GLYATL1: variants seen among roughly 807,000 people sequenced by gnomAD.
GLYATL1 encodes glycine-N-acyltransferase like 1, also known as glycine N-acyltransferase-like protein 1.
In GLYATL1, 15 loss-of-function variants were observed where a neutral mutation model predicts 20.0. That is an observed-to-expected ratio of 0.75 (90% CI 0.50 to 1.15). GLYATL1 has a LOEUF of 1.15. Among genes scored for constraint, GLYATL1 ranks in the 50% most tolerant of loss-of-function variants. The probability of loss-of-function intolerance (pLI) is 0.00; values close to 1 mark genes in which losing one functional copy is unlikely to be tolerated. For synonymous variants in GLYATL1, 151 were observed against 131.5 expected (o/e 1.15, Z -1.01); for missense variants, 380 against 368.5 (o/e 1.03, Z -0.26).
intron 1 of GLYATL1, among the ~76,000 whole-genome samples, chr11:58,930,053 C>T (rs566203151): frequency 6.6e-6 from 1 of 152,218 alleles, no homozygotes; most frequent in South Asian, 2.1e-4. Context: ...CAAATTAGTT[C>T]TCTGTTATTC....
At chr11:58,919,951 G>C (rs967985009) in intron 1 of GLYATL1, among the ~76,000 whole-genome samples, 1 of 152,072 alleles carries the variant, frequency 6.6e-6, no homozygotes, top group Non-Finnish European at 1.5e-5. Context: ...CCCATCAAAG[G>C]TTTTCCACCA....
upstream of GLYATL1, chr11:58,927,689 C>T (rs1855461627): frequency 6.6e-6 from 1 of 152,200 alleles, no homozygotes. Flanking sequence ...TTTTTTAACC[C>T]TTTAGGTATC....
chr11:58,924,874 A>T (rs997838310), upstream of GLYATL1, among the ~76,000 whole-genome samples: 2 of 152,236 alleles, frequency 1.3e-5, no homozygotes. Context: ...TTGTTTAAGT[A>T]AAAGGGCTGA....
chr11:58,906,201 G>A (rs1041121908), intron 1 of GLYATL1, among the ~76,000 whole-genome samples: 3 of 152,198 alleles, frequency 2.0e-5, no homozygotes, highest in African/African-American at 7.2e-5. Flanking sequence ...CCAAAACCAA[G>A]GAGGTTTTGG....
At chr11:58,909,393 A>G (rs913610536), downstream of GLYATL1, among the ~76,000 whole-genome samples, 7 of 152,172 alleles carry the variant, frequency 4.6e-5, no homozygotes, top group Non-Finnish European at 1.0e-4. Flanking sequence ...AAGTGTTCTT[A>G]TTACAAAAGT....
At chr11:58,943,270 C>T (rs1590794709) in intron 1 of GLYATL1, 10 of 1,539,666 alleles carry the variant, frequency 6.5e-6, no homozygotes, top group Non-Finnish European at 8.7e-6. Context: ...ATCCCAGCAG[C>T]CATACTTCAA....
rs115879295 is a variant in GLYATL1 at position 58,917,751 on chromosome 11, A to G, written n.264+12090A>G. On this transcript the variant is annotated intron_variant and non_coding_transcript_variant, in intron 1 of 2. Coordinates refer to the GLYATL1 transcript ENST00000534674. ...ACAGAAAACAGAAATCTATAAACTC[A>G]TAAGTTTACTCATATCATGGGGGAA... Among the ~76,000 whole-genome samples, 1,027 of 152,316 alleles carry G rather than the reference A, an allele frequency of 6.7e-3. 13 individuals are homozygous for G. Among genetic ancestry groups the G allele is most frequent in the African/African-American group, 0.023 (965 of 41,568 alleles).
intron 2 of GLYATL1, 100 bp downstream of exon 2, chr11:58,943,766 A>G: frequency 6.6e-7 from 1 of 1,506,578 alleles, no homozygotes; most frequent in Non-Finnish European, 8.9e-7. Flanking sequence ...TTGGAGTCAC[A>G]ACAGGAAACA....
chr11:58,908,508 T>C (rs527784177), exon 2 of GLYATL1: 39 of 213,110 alleles, frequency 1.8e-4, no homozygotes, highest in Non-Finnish European at 4.1e-4. Flanking sequence ...CATTTAGTGC[T>C]ACAGAGGATG....
At chr11:58,946,833 G>A in intron 2 of GLYATL1, 3 of 596,518 alleles carry the variant, frequency 5.0e-6, no homozygotes, top group South Asian at 2.0e-5. Context: ...ATGGGTTTTG[G>A]AGACAGTCAT....
At chr11:58,933,258 G>A (rs1590781241) in intron 1 of GLYATL1, among the ~76,000 whole-genome samples, 5 of 152,266 alleles carry the variant, frequency 3.3e-5, no homozygotes, top group South Asian at 4.2e-4. Flanking sequence ...TCAGTGCTGC[G>A]GAGATAGATT....
downstream of GLYATL1, among the ~76,000 whole-genome samples, chr11:58,908,985 G>A (rs181922154): frequency 1.5e-3 from 225 of 152,174 alleles, 1 homozygote; most frequent in Non-Finnish European, 2.7e-3. Flanking sequence ...CAGAAATAAC[G>A]AACTTCAGAG....
intron 1 of GLYATL1, among the ~76,000 whole-genome samples, chr11:58,919,816 G>T (rs1855265234): frequency 6.6e-6 from 1 of 152,168 alleles, no homozygotes; most frequent in Non-Finnish European, 1.5e-5. Context: ...TCAGGTAATG[G>T]CAGTGAGCCA....
chr11:58,946,615 A>G (rs1316587752), intron 2 of GLYATL1, among the ~76,000 whole-genome samples: 1 of 152,078 alleles, frequency 6.6e-6, no homozygotes, highest in Non-Finnish European at 1.5e-5. Context: ...ATCTATGCCT[A>G]CTCCTGCTCC....
At chr11:58,924,308 C>T (rs111250115), upstream of GLYATL1, among the ~76,000 whole-genome samples, 692 of 152,226 alleles carry the variant, frequency 4.5e-3, 5 homozygotes, top group African/African-American at 0.016. Context: ...TCAATCTCAC[C>T]CTGAGAGGGC....
intron 4 of GLYATL1, 117 bp downstream of exon 4, chr11:58,948,082 A>C (rs1348126139): frequency 7.2e-6 from 5 of 697,754 alleles, no homozygotes; most frequent in African/African-American, 1.7e-5. Flanking sequence ...GTATTTTAAA[A>C]CACTCCTTCA....
chr11:58,915,487 G>C (rs1245796949), intron 1 of GLYATL1, among the ~76,000 whole-genome samples: 1 of 152,192 alleles, frequency 6.6e-6, no homozygotes, highest in East Asian at 1.9e-4. Flanking sequence ...TCTCAGAGTA[G>C]AGAGGAGCTA....
chr11:58,951,326 A>T (rs1856978342), intron 4 of GLYATL1, among the ~76,000 whole-genome samples: 1 of 152,078 alleles, frequency 6.6e-6, no homozygotes, highest in South Asian at 2.1e-4. Flanking sequence ...TGAAATATAA[A>T]TGTCTATTTT....
At chr11:58,943,024 G>T (rs1856280437) in intron 1 of GLYATL1, among the ~76,000 whole-genome samples, 1 of 152,146 alleles carries the variant, frequency 6.6e-6, no homozygotes, top group Non-Finnish European at 1.5e-5. Flanking sequence ...TAGAATGGTA[G>T]CAGCAAAAAC....
Sources: gnomAD v4.1 joint callset for allele counts (sites outside exome capture counted in the v4.1 genomes callset) on GRCh38, gnomAD v4.1.1 for gene constraint, MANE v1.5 for transcripts, NCBI Gene and HGNC (gene_info 2026-07-23, HGNC 2026-07-21) for gene names.